Variants in HEMK2 observed in about 807,000 individuals in gnomAD.
HEMK2 encodes methyltransferase HEMK2.
At chr21:28,857,967 C>T in the HEMK2 span, among the ~76,000 whole-genome samples, 1 of 152,168 alleles carries the variant, frequency 6.6e-6, no homozygotes, top group African/African-American at 2.4e-5. Flanking sequence ...AGGAACAGGC[C>T]TCTTGTTTCA....
chr21:28,878,260 G>A, the HEMK2 span: 1 of 1,608,466 alleles, frequency 6.2e-7, no homozygotes, highest in East Asian at 2.2e-5. Flanking sequence ...TGGAACCAGG[G>A]GAAAAAACCT....
At chr21:28,785,193 G>A in the HEMK2 span, among the ~76,000 whole-genome samples, 1 of 152,136 alleles carries the variant, frequency 6.6e-6, no homozygotes, top group Admixed American at 6.5e-5. Context: ...CCACCTTTAA[G>A]AACTGTAACA....
the HEMK2 span, among the ~76,000 whole-genome samples, chr21:28,600,523 C>A: frequency 6.6e-6 from 1 of 152,186 alleles, no homozygotes; most frequent in African/African-American, 2.4e-5. Context: ...AGCCCCTGGG[C>A]CTGTGATGAT....
the HEMK2 span, among the ~76,000 whole-genome samples, chr21:28,850,248 G>A: frequency 1.1e-4 from 14 of 123,792 alleles, no homozygotes; most frequent in East Asian, 2.8e-4. Flanking sequence ...TTTTTGAGAC[G>A]GAGTCTCTCT....
the HEMK2 span, among the ~76,000 whole-genome samples, chr21:28,720,404 T>C: frequency 6.7e-6 from 1 of 150,092 alleles, no homozygotes; most frequent in Non-Finnish European, 1.5e-5. Context: ...TCCTGGAGTA[T>C]GAATAGGACC....
the HEMK2 span, among the ~76,000 whole-genome samples, chr21:28,666,756 T>C: frequency 7.0e-4 from 107 of 152,278 alleles, no homozygotes; most frequent in African/African-American, 2.3e-3. Flanking sequence ...ATAAATCCTG[T>C]TTAACCACTC....
chr21:28,788,922 C>T, the HEMK2 span, among the ~76,000 whole-genome samples: 2 of 151,910 alleles, frequency 1.3e-5, no homozygotes, highest in South Asian at 4.2e-4. Context: ...CATGTGAAGA[C>T]GCAGGCATAG....
chr21:28,749,925 T>A, the HEMK2 span, among the ~76,000 whole-genome samples: 1 of 152,246 alleles, frequency 6.6e-6, no homozygotes, highest in African/African-American at 2.4e-5. Context: ...TGGATTGACA[T>A]GCCAAAACCA....
chr21:28,650,499 A>G, the HEMK2 span, among the ~76,000 whole-genome samples: 1 of 152,168 alleles, frequency 6.6e-6, no homozygotes, highest in Admixed American at 6.6e-5. Flanking sequence ...CAGAGGTGGA[A>G]GCATAATGTA....
At chr21:28,732,902 G>A in the HEMK2 span, among the ~76,000 whole-genome samples, 2 of 152,178 alleles carry the variant, frequency 1.3e-5, no homozygotes, top group Admixed American at 6.5e-5. Flanking sequence ...GGTAATACCC[G>A]GGTACCTCCA....
the HEMK2 span, among the ~76,000 whole-genome samples, chr21:28,793,050 G>A: frequency 6.6e-6 from 1 of 152,208 alleles, no homozygotes; most frequent in Non-Finnish European, 1.5e-5. Context: ...TAATGCCTGG[G>A]AATTCTGTTC....
the HEMK2 span, among the ~76,000 whole-genome samples, chr21:28,637,378 A>AT: frequency 6.6e-6 from 1 of 151,950 alleles, no homozygotes; most frequent in Admixed American, 6.5e-5. Context: ...AATCAAAGGG[A>AT]TTAAAAGATC....
At chr21:28,732,622 A>T in the HEMK2 span, among the ~76,000 whole-genome samples, 1 of 152,170 alleles carries the variant, frequency 6.6e-6, no homozygotes, top group African/African-American at 2.4e-5. Context: ...GAGTGGATGT[A>T]AGCATGAAAG....
At chr21:28,678,056 A>G in the HEMK2 span, among the ~76,000 whole-genome samples, 1 of 152,246 alleles carries the variant, frequency 6.6e-6, no homozygotes, top group African/African-American at 2.4e-5. Flanking sequence ...AATGACTTTA[A>G]CAAGTTGAGA....
chr21:28,784,028 T>G, the HEMK2 span, among the ~76,000 whole-genome samples: 1 of 152,192 alleles, frequency 6.6e-6, no homozygotes, highest in East Asian at 1.9e-4. Context: ...CTGCCATGCC[T>G]GAGCCTCCCC....
chr21:28,882,342 C>T, the HEMK2 span: 12 of 932,860 alleles, frequency 1.3e-5, no homozygotes, highest in African/African-American at 1.6e-4. Context: ...TAATTCTACA[C>T]AGAACAGATT....
the HEMK2 span, among the ~76,000 whole-genome samples, chr21:28,636,784 C>A: frequency 6.6e-6 from 1 of 152,164 alleles, no homozygotes; most frequent in Non-Finnish European, 1.5e-5. Context: ...ATGCTCGATC[C>A]AAACAAGTGC....
chr21:28,601,859 T>G, the HEMK2 span, among the ~76,000 whole-genome samples: 4 of 152,238 alleles, frequency 2.6e-5, no homozygotes, highest in Non-Finnish European at 5.9e-5. Flanking sequence ...AACATCATTT[T>G]GTAATCAGCA....
At chr21:28,851,934 G>A in the HEMK2 span, among the ~76,000 whole-genome samples, 1 of 152,204 alleles carries the variant, frequency 6.6e-6, no homozygotes, top group African/African-American at 2.4e-5. Context: ...TACATACCAG[G>A]TACCAGGAGA....
Sources: allele counts gnomAD v4.1 joint callset (sites outside exome capture counted in the v4.1 genomes callset), GRCh38; gene constraint gnomAD v4.1.1; transcripts MANE v1.5; gene names NCBI Gene and HGNC (gene_info 2026-07-23, HGNC 2026-07-21).